Variants in DCTN1 observed in about 807,000 individuals in gnomAD.
The protein encoded by DCTN1 is 150 kDa dynein-associated polypeptide.
A neutral mutation model predicts 161.2 loss-of-function variants in DCTN1; 61 were observed. The observed-to-expected ratio is 0.38, with a 90% confidence interval of 0.31 to 0.47. DCTN1 has a LOEUF of 0.47. DCTN1 is among the 20% of genes least tolerant of loss of function. The pLI is 0.99. For synonymous variants in DCTN1, 653 were observed against 632.4 expected (o/e 1.03, Z -0.49); for missense variants, 1,404 against 1,623.7 (o/e 0.86, Z 2.33).
At chr2:74,365,402 G>T (rs1674331210) in intron 25 of DCTN1, 113 bp downstream of exon 25, 1 of 1,571,332 alleles carries the variant, frequency 6.4e-7, no homozygotes, top group African/African-American at 1.3e-5. Flanking sequence ...AGTGGGTAAA[G>T]AAAATGGGGA....
chr2:74,363,733 G>A, intron 26 of DCTN1, 105 bp from the exon 27 acceptor site: 25 of 1,449,182 alleles, frequency 1.7e-5, no homozygotes, highest in Non-Finnish European at 1.1e-5. Flanking sequence ...ACAACCTGCA[G>A]GAAAACCCTT....
intron 31 of DCTN1, among the ~76,000 whole-genome samples, chr2:74,361,847 C>T (rs780089441): frequency 1.3e-5 from 2 of 152,104 alleles, no homozygotes; most frequent in Non-Finnish European, 2.9e-5. Context: ...TCAAAAGTCA[C>T]GGAAGGTGTT....
chr2:74,369,727 C>T lies in DCTN1; in HGVS notation c.1393-236G>A, dbSNP rs575519748. 4.6e-5 allele frequency among the ~76,000 whole-genome samples: 7 copies of T among 151,156 alleles called. No individual in the cohort carries two copies. The South Asian group carries it at 1.3e-3, about 27-fold the overall frequency. On this transcript the variant is annotated intron_variant, in intron 13 of 31. Transcript: ENST00000628224. This position sits in a 1 kb window ranked among gnomAD's most constrained non-coding sequence, Gnocchi z 4.9. ...ACTCGGGAGGCTGAGGCAGGAGAAT[C>T]GCTTGAACCTGGGAGGCGGAGGTTG...
chr2:74,390,588 AG>A (rs1278898830), intron 1 of DCTN1: 1 of 451,838 alleles, frequency 2.2e-6, no homozygotes, highest in Non-Finnish European at 4.6e-6. Context: ...CCTACCTTAT[AG>A]GCCTGGACAG....
intron 26 of DCTN1, chr2:74,363,986 A>C: frequency 2.6e-6 from 1 of 382,284 alleles, no homozygotes; most frequent in Non-Finnish European, 5.0e-6. Context: ...AGACCCCAAT[A>C]TGTCTGCACC....
chr2:74,380,446 G>A (rs1675465807), upstream of DCTN1: 2 of 483,988 alleles, frequency 4.1e-6, no homozygotes, highest in Non-Finnish European at 4.2e-6. Flanking sequence ...TGAATACACT[G>A]TCCTAGGGCT....
chr2:74,363,833 G>A (rs1327942100), intron 26 of DCTN1: 4 of 682,596 alleles, frequency 5.9e-6, no homozygotes, highest in South Asian at 5.1e-5. Context: ...CACCAAACAG[G>A]AGTGAGGCCA....
At chr2:74,377,829 A>T in intron 2 of DCTN1, 103 bp from the exon 3 acceptor site, 1 of 1,449,898 alleles carries the variant, frequency 6.9e-7, no homozygotes, top group Non-Finnish European at 9.7e-7. Flanking sequence ...AACCAAGAGT[A>T]CAGGGCAGCT....
upstream of DCTN1, chr2:74,383,931 T>C (rs1192731387): frequency 6.6e-6 from 1 of 152,254 alleles, no homozygotes; most frequent in Admixed American, 6.5e-5. Flanking sequence ...TCATTCATTA[T>C]TTTAAGGGAA....
chr2:74,377,584 T>C, intron 3 of DCTN1, 64 bp downstream of exon 3: 1 of 1,529,964 alleles, frequency 6.5e-7, no homozygotes, highest in Non-Finnish European at 9.1e-7. Context: ...CCCCATGTTA[T>C]GAGGAGAAGT....
chr2:74,382,474 C>T (rs1573184499), upstream of DCTN1, among the ~76,000 whole-genome samples: 2 of 151,674 alleles, frequency 1.3e-5, no homozygotes, highest in South Asian at 4.2e-4. Context: ...GTGGCGCATA[C>T]CTATAATCCT....
intron 1 of DCTN1, among the ~76,000 whole-genome samples, chr2:74,385,927 A>G (rs1397126774): frequency 9.2e-5 from 14 of 152,214 alleles, no homozygotes; most frequent in Non-Finnish European, 2.9e-5. Context: ...CTCTGCCAAG[A>G]AAAAATTCTC....
Position 74,363,072 on chromosome 2 carries a change from T to TA in DCTN1, c.3450dup (p.Lys1151Ter). The TA allele has an allele frequency of 6.2e-7, 1 of 1,614,008 alleles. No homozygotes were observed. The highest frequency in any genetic ancestry group is 1.1e-5 in the South Asian group (1 of 91,048). ...AATGTCTCCAGCAGCTGGCTGGTCT[T>TA]ACGATACAGCGCTCCAGCTGGTAAC... On this transcript the variant is annotated frameshift_variant, in exon 29 of 32. Coordinates refer to ENST00000628224, the MANE Select transcript of DCTN1 (RefSeq NM_004082.5). LOFTEE classifies it high-confidence loss of function.
intron 2 of DCTN1, 94 bp from the exon 3 acceptor site, chr2:74,377,820 A>T: frequency 6.8e-7 from 1 of 1,470,448 alleles, no homozygotes; most frequent in South Asian, 1.1e-5. Context: ...CTCCAAGCAA[A>T]CCAAGAGTAC....
At chr2:74,374,440 G>C in intron 5 of DCTN1, 100 bp from the exon 6 acceptor site, 1 of 1,588,750 alleles carries the variant, frequency 6.3e-7, no homozygotes, top group Non-Finnish European at 8.6e-7. Context: ...ACGAAGGGAG[G>C]GAGGGCAAGA....
Position 74,363,346 on chromosome 2 carries a change from G to C in DCTN1, c.3293C>G (p.Ser1098Cys). 3 of 1,613,068 alleles carry C rather than the reference G, an allele frequency of 1.9e-6. No individual in the cohort carries two copies. Among genetic ancestry groups the C allele is most frequent in the Non-Finnish European group, 8.5e-7 (1 of 1,179,584 alleles). ...KDSPLLLQQI[S>C]AMRLHISQLQ... ...CTGGGAGATGTGCAGCCTCATGGCAGAGATCTGCTGAAGCAGCAGTGGTGA... is the reference window on the plus strand; with the variant it reads ...CTGGGAGATGTGCAGCCTCATGGCACAGATCTGCTGAAGCAGCAGTGGTGA... Residue 1098 changes from serine (S) to cysteine (C), a missense_variant, in exon 28 of 32, where the codon TCT becomes TGT. By Grantham distance (112) the Ser-to-Cys change is moderately radical (BLOSUM62 -1). Around this residue, in one of 9 missense-constraint regions of DCTN1, gnomAD observed 311 missense variants for 298.9 expected, o/e 1.04. Coordinates refer to ENST00000628224, the MANE Select transcript of DCTN1 (RefSeq NM_004082.5).
intron 3 of DCTN1, 47 bp downstream of exon 3, chr2:74,377,601 G>T: frequency 6.4e-7 from 1 of 1,559,418 alleles, no homozygotes; most frequent in Non-Finnish European, 8.8e-7. Context: ...AAGTCCTGGG[G>T]ACTCCTCCTG....
rs1378033827 is a variant in DCTN1 at position 74,370,922 on chromosome 2, A to T, written c.843+57T>A. On this transcript the variant is annotated intron_variant, in intron 9 of 31. Coordinates refer to ENST00000628224, the MANE Select transcript of DCTN1 (RefSeq NM_004082.5). The surrounding 1 kb of genome is among the most constrained non-coding windows in gnomAD (Gnocchi z 4.4). ...AGGCTCCAGCTCCAGTCTAGTTTCC[A>T]GCATGCTTCCTTAGGTCTCAGGCTG... is the stretch of plus-strand genomic sequence containing the variant. 1 of 1,613,204 alleles carries T rather than the reference A, an allele frequency of 6.2e-7. No homozygotes were observed. The highest frequency in any genetic ancestry group is 8.5e-7 in the Non-Finnish European group (1 of 1,180,012).
At chr2:74,381,115 GTTTAA>G (rs1573182947), upstream of DCTN1, among the ~76,000 whole-genome samples, 2 of 152,206 alleles carry the variant, frequency 1.3e-5, 1 homozygote, top group East Asian at 3.8e-4. Flanking sequence ...AATTAGAATT[GTTTAA>G]TTTAATGAGA....
Sources: allele counts gnomAD v4.1 joint callset (sites outside exome capture counted in the v4.1 genomes callset), GRCh38; gene constraint gnomAD v4.1.1; regional missense constraint gnomAD v4.1.1; non-coding constraint Gnocchi (gnomAD v3.1); transcripts MANE v1.5; gene names NCBI Gene and HGNC (gene_info 2026-07-23, HGNC 2026-07-21).